Variants in PELI2 observed in about 807,000 individuals in gnomAD.
PELI2 encodes E3 ubiquitin-protein ligase pellino homolog 2.
Under a neutral mutation model 42.3 loss-of-function variants are expected in PELI2, and 23 were observed. The observed-to-expected ratio is 0.54, with a 90% CI of 0.39 to 0.77. The LOEUF (loss-of-function observed/expected upper bound fraction) is 0.77. Ranked by LOEUF, PELI2 falls within the 30% of genes least tolerant of loss-of-function variation. The pLI, the probability that PELI2 is intolerant of heterozygous loss-of-function variation, is 0.00. For missense variants in PELI2, 463 were observed against 553.2 expected, an observed-to-expected ratio of 0.84 and a Z score of 1.64; for synonymous variants, 245 against 212.2, an observed-to-expected ratio of 1.15 and a Z score of -1.34.
chr14:56,215,871 T>TA (rs1464934714), intron 2 of PELI2, among the ~76,000 whole-genome samples: 3 of 152,250 alleles, frequency 2.0e-5, no homozygotes, highest in Non-Finnish European at 4.4e-5. Context: ...TGCAAAGTAA[T>TA]GACACTACAG....
At chr14:56,171,622 C>T (rs147520743) in intron 1 of PELI2, among the ~76,000 whole-genome samples, 3 of 152,336 alleles carry the variant, frequency 2.0e-5, no homozygotes, top group East Asian at 3.9e-4. Context: ...TTAGAACTCA[C>T]ATTCCCTAGG....
intron 1 of PELI2, among the ~76,000 whole-genome samples, chr14:56,149,072 CT>C (rs1218592032): frequency 6.6e-6 from 1 of 152,182 alleles, no homozygotes; most frequent in Non-Finnish European, 1.5e-5. Flanking sequence ...AATCCAAGCT[CT>C]CATGCTAAGA....
At chr14:56,124,441 T>C (rs1474596871) in intron 1 of PELI2, among the ~76,000 whole-genome samples, 1 of 152,252 alleles carries the variant, frequency 6.6e-6, no homozygotes, top group Non-Finnish European at 1.5e-5. Flanking sequence ...ATTGGCTGTC[T>C]ACTCTTCCAG....
chr14:56,122,919 G>A (rs943094727), intron 1 of PELI2, among the ~76,000 whole-genome samples: 1 of 152,070 alleles, frequency 6.6e-6, no homozygotes, highest in Non-Finnish European at 1.5e-5. Context: ...TATTTTGTAT[G>A]TTTAAAAACA....
At chr14:56,201,326 T>G (rs1886324524) in intron 2 of PELI2, among the ~76,000 whole-genome samples, 1 of 152,234 alleles carries the variant, frequency 6.6e-6, no homozygotes, top group Non-Finnish European at 1.5e-5. Flanking sequence ...GTGACAGATT[T>G]TTTCACTTAA....
chr14:56,130,963 T>C (rs1883461868), intron 1 of PELI2, among the ~76,000 whole-genome samples: 1 of 152,206 alleles, frequency 6.6e-6, no homozygotes, highest in African/African-American at 2.4e-5. Flanking sequence ...TCGTTTATAG[T>C]TTGGAAAAGG....
At chr14:56,170,567 CTG>C (rs1162695899) in intron 1 of PELI2, among the ~76,000 whole-genome samples, 1 of 152,180 alleles carries the variant, frequency 6.6e-6, no homozygotes, top group African/African-American at 2.4e-5. Context: ...CATTTCCTAA[CTG>C]TGTAAGTTCG....
At chr14:56,281,322 AC>A (rs2139877072) in intron 3 of PELI2, among the ~76,000 whole-genome samples, 1 of 152,304 alleles carries the variant, frequency 6.6e-6, no homozygotes, top group South Asian at 2.1e-4. Context: ...AATGCAAAAT[AC>A]CATGCAGCCA....
chr14:56,257,209 A>G (rs1171826044), intron 2 of PELI2, among the ~76,000 whole-genome samples: 3 of 152,190 alleles, frequency 2.0e-5, no homozygotes, highest in African/African-American at 7.2e-5. Flanking sequence ...TGTGCTAGGA[A>G]ATGTTCTAGG....
chr14:56,215,031 G>A (rs1214942830), intron 2 of PELI2, among the ~76,000 whole-genome samples: 2 of 152,130 alleles, frequency 1.3e-5, no homozygotes, highest in Non-Finnish European at 1.5e-5. Flanking sequence ...CACACATGTT[G>A]GTCAGTAAGT....
intron 2 of PELI2, 96 bp downstream of exon 2, chr14:56,178,560 A>T (rs965388112): frequency 7.3e-7 from 1 of 1,365,756 alleles, no homozygotes; most frequent in African/African-American, 1.4e-5. Flanking sequence ...CTTTTCATGT[A>T]GGACAGTCTC....
chr14:56,268,467 G>A (rs1406622188), intron 2 of PELI2, among the ~76,000 whole-genome samples: 6 of 152,038 alleles, frequency 3.9e-5, no homozygotes, highest in Admixed American at 6.6e-5. Flanking sequence ...AGGAGACTAC[G>A]GTTAGATTTT....
chr14:56,146,761 T>C (rs928090245), intron 1 of PELI2, among the ~76,000 whole-genome samples: 2 of 152,182 alleles, frequency 1.3e-5, no homozygotes, highest in African/African-American at 4.8e-5. Flanking sequence ...ACTTGTGTTA[T>C]AACATTATAA....
At chr14:56,182,613 A>G (rs1439444034) in intron 2 of PELI2, among the ~76,000 whole-genome samples, 2 of 152,062 alleles carry the variant, frequency 1.3e-5, no homozygotes, top group African/African-American at 4.8e-5. Flanking sequence ...CAGCTGGCCT[A>G]TTTCCGAATG....
chr14:56,171,378 C>A (rs1388617126), intron 1 of PELI2, among the ~76,000 whole-genome samples: 4 of 152,226 alleles, frequency 2.6e-5, no homozygotes, highest in African/African-American at 9.7e-5. Flanking sequence ...GGAGGCCAAG[C>A]AGGCCTCTCC....
At chr14:56,134,284 A>G (rs929329278) in intron 1 of PELI2, among the ~76,000 whole-genome samples, 1 of 152,242 alleles carries the variant, frequency 6.6e-6, no homozygotes, top group Non-Finnish European at 1.5e-5. Context: ...CTTAGTATGT[A>G]GTATTAAAGT....
intron 2 of PELI2, among the ~76,000 whole-genome samples, chr14:56,223,557 A>G (rs745989833): frequency 2.4e-4 from 36 of 152,244 alleles, no homozygotes; most frequent in Non-Finnish European, 2.1e-4. Context: ...GTGCAGTCAT[A>G]ATAATAGGAA....
chr14:56,119,059 T>C, intron 1 of PELI2: 1 of 150,250 alleles, frequency 6.7e-6, no homozygotes, highest in African/African-American at 2.5e-5. Context: ...GGGCAGGGGC[T>C]CCACTTCCCG....
At chr14:56,142,968 G>A (rs989325682) in intron 1 of PELI2, among the ~76,000 whole-genome samples, 5 of 152,070 alleles carry the variant, frequency 3.3e-5, no homozygotes, top group Non-Finnish European at 7.4e-5. Flanking sequence ...AAAAATTATG[G>A]AACCTGGAAA....
Sources: gnomAD v4.1 joint callset for allele counts (sites outside exome capture counted in the v4.1 genomes callset) on GRCh38, gnomAD v4.1.1 for gene constraint, MANE v1.5 for transcripts, NCBI Gene and HGNC (gene_info 2026-07-23, HGNC 2026-07-21) for gene names.